TNNI3K: variants seen among roughly 807,000 people sequenced by gnomAD.
The protein encoded by TNNI3K is serine/threonine-protein kinase TNNI3K.
TNNI3K carries 140 observed loss-of-function variants against 114.5 expected under a neutral mutation model. The observed-to-expected ratio is 1.22, with a 90% CI of 1.07 to 1.41. The LOEUF is 1.41. TNNI3K is among the 40% of genes most tolerant of loss of function. The pLI is 0.00. For missense variants in TNNI3K, 1,125 were observed against 1,007.6 expected, an observed-to-expected ratio of 1.12 and a Z score of -1.58; for synonymous variants, 347 against 347.5, an observed-to-expected ratio of 1.00 and a Z score of 0.02.
chr1:74,473,593 C>T lies in TNNI3K; in HGVS notation c.2121+10043C>T, dbSNP rs140544422. ...GGCCTCAAAATTAACTTTTAGTAGA[C>T]AGGAGATGTACTCTCAGCTCCTAAG... On this transcript the variant is annotated intron_variant, in intron 21 of 24. Coordinates refer to ENST00000326637, the MANE Select transcript of TNNI3K (RefSeq NM_015978.3). 1.6e-3 allele frequency among the ~76,000 whole-genome samples: 242 copies of T among 151,380 alleles called. 2 individuals are homozygous for T. The highest frequency in any genetic ancestry group is 5.2e-3 in the African/African-American group (215 of 41,200).
intron 23 of TNNI3K, among the ~76,000 whole-genome samples, chr1:74,523,402 T>G (rs1646461292): frequency 6.6e-6 from 1 of 152,190 alleles, no homozygotes; most frequent in Admixed American, 6.5e-5. Flanking sequence ...TTATTGTGTT[T>G]GTGTATTCAA....
chr1:74,241,480 T>C (rs1302641689), intron 2 of TNNI3K, among the ~76,000 whole-genome samples: 1 of 152,220 alleles, frequency 6.6e-6, no homozygotes, highest in Non-Finnish European at 1.5e-5. Flanking sequence ...TTCTAACTGG[T>C]GTGAGATGGT....
rs185593254 is a variant in TNNI3K at position 74,235,966 on chromosome 1, C to G, written c.41-136C>G. 1.0e-3 allele frequency: 551 copies of G among 548,090 alleles called. No individual in the cohort carries two copies. In the Middle Eastern group the frequency reaches 0.012, roughly 12 times the overall value. The allele number at this position is 548,090 out of a possible 1,614,324, so 34.0% of individuals were successfully genotyped here. On this transcript the variant is annotated intron_variant, in intron 1 of 24. Coordinates refer to ENST00000326637, the MANE Select transcript of TNNI3K (RefSeq NM_015978.3). ...TAAATATAAACATCTGCATTTTAAA[C>G]ACACAATCAGTAATTTAAATTAAGT...
chr1:74,450,387 G>A (rs1042711289), intron 20 of TNNI3K, among the ~76,000 whole-genome samples: 1 of 151,816 alleles, frequency 6.6e-6, no homozygotes, highest in Non-Finnish European at 1.5e-5. Context: ...CTAGCAGAAG[G>A]CAAGAAATAA....
chr1:74,449,643 C>T (rs997737855), intron 20 of TNNI3K, among the ~76,000 whole-genome samples: 1 of 151,414 alleles, frequency 6.6e-6, no homozygotes, highest in Admixed American at 6.6e-5. Flanking sequence ...CAACAAAGAT[C>T]AAAAGAGACA....
intron 17 of TNNI3K, among the ~76,000 whole-genome samples, chr1:74,409,005 AAT>A (rs1491023620): frequency 6.6e-6 from 1 of 152,090 alleles, no homozygotes; most frequent in Admixed American, 6.5e-5. Context: ...AAAAAAAAAA[AAT>A]AGAGTCTTCT....
At chr1:74,472,936 A>C (rs140632408) in intron 21 of TNNI3K, among the ~76,000 whole-genome samples, 250 of 152,142 alleles carry the variant, frequency 1.6e-3, no homozygotes, top group African/African-American at 5.7e-3. Flanking sequence ...TCATTTACTA[A>C]AGGAAAATAG....
At chr1:74,339,005 C>G (rs1239455447) in intron 7 of TNNI3K, among the ~76,000 whole-genome samples, 6 of 152,092 alleles carry the variant, frequency 3.9e-5, no homozygotes, top group Non-Finnish European at 7.4e-5. Context: ...CTGCCTCACT[C>G]TTCCAAGGGG....
chr1:74,377,032 A>G (rs1662943044), intron 17 of TNNI3K: 1 of 152,040 alleles, frequency 6.6e-6, no homozygotes, highest in African/African-American at 2.4e-5. Flanking sequence ...TTACATCAGA[A>G]TCTCCAGTCT....
intron 23 of TNNI3K, among the ~76,000 whole-genome samples, chr1:74,537,433 C>T (rs539528788): frequency 1.3e-4 from 20 of 152,258 alleles, no homozygotes; most frequent in Admixed American, 2.0e-4. Context: ...CATCTCTACT[C>T]TATAGCTTAA....
At position 74,409,619 on chromosome 1, in the gene TNNI3K, G is replaced by A. The variant is rs138145735; in HGVS notation, c.1773-26461G>A. 3.2e-3 allele frequency among the ~76,000 whole-genome samples: 481 copies of A among 148,668 alleles called. 6 individuals carry two copies. Among genetic ancestry groups the A allele is most frequent in the African/African-American group, 0.011 (442 of 40,390 alleles). ...AGTGATTCTCCTGCCTCAACCTCCC[G>A]AGTAGCTAGGATTACAGGTGTCTGC... is the stretch of plus-strand genomic sequence containing the variant. On this transcript the variant is annotated intron_variant, in intron 17 of 24. Transcript: ENST00000326637.
At chr1:74,239,837 A>G in intron 2 of TNNI3K, 1 of 426,044 alleles carries the variant, frequency 2.3e-6, no homozygotes, top group Non-Finnish European at 4.9e-6. Context: ...TGCTTATGCC[A>G]ATTTATAGCA....
intron 17 of TNNI3K, among the ~76,000 whole-genome samples, chr1:74,407,471 A>T (rs1446625060): frequency 6.6e-6 from 1 of 152,158 alleles, no homozygotes; most frequent in African/African-American, 2.4e-5. Flanking sequence ...TTATTCAGGA[A>T]ATAATTTTTA....
At chr1:74,445,771 T>C (rs867189215) in intron 20 of TNNI3K, among the ~76,000 whole-genome samples, 5,422 of 151,632 alleles carry the variant, frequency 0.036, 313 homozygotes, top group African/African-American at 0.12. Flanking sequence ...CCACTACGCC[T>C]GGCTAACTTT....
chr1:74,339,354 C>T (rs1227257953), intron 7 of TNNI3K, among the ~76,000 whole-genome samples: 1 of 152,088 alleles, frequency 6.6e-6, no homozygotes, highest in Non-Finnish European at 1.5e-5. Context: ...CCCATTTGTA[C>T]TTCAACCAAT....
chr1:74,474,596 G>A (rs931613519), intron 21 of TNNI3K, among the ~76,000 whole-genome samples: 2 of 152,146 alleles, frequency 1.3e-5, no homozygotes, highest in African/African-American at 4.8e-5. Flanking sequence ...TTACAGAGCA[G>A]CTGTCAACAT....
chr1:74,378,140 G>A (rs554174228), intron 17 of TNNI3K, among the ~76,000 whole-genome samples: 1 of 151,944 alleles, frequency 6.6e-6, no homozygotes, highest in South Asian at 2.1e-4. Flanking sequence ...AGGGATTAGG[G>A]CTACCTGTAG....
intron 11 of TNNI3K, 46 bp from the exon 12 acceptor site, chr1:74,367,210 T>C (rs201178091): frequency 1.2e-6 from 2 of 1,600,008 alleles, no homozygotes; most frequent in Non-Finnish European, 1.7e-6. Context: ...ACTGAATAAC[T>C]TAAACAAAAT....
intron 23 of TNNI3K, among the ~76,000 whole-genome samples, chr1:74,503,636 A>C (rs775935732): frequency 6.6e-6 from 1 of 152,132 alleles, no homozygotes; most frequent in South Asian, 2.1e-4. Flanking sequence ...TATGACATGC[A>C]CTTCCTGAAC....
Sources: allele counts gnomAD v4.1 joint callset (sites outside exome capture counted in the v4.1 genomes callset), GRCh38; gene constraint gnomAD v4.1.1; transcripts MANE v1.5; gene names NCBI Gene and HGNC (gene_info 2026-07-23, HGNC 2026-07-21).